PDZRN4: variants seen among roughly 807,000 people sequenced by gnomAD.
The protein encoded by PDZRN4 is PDZ domain-containing RING finger protein 4.
Under a neutral mutation model 99.0 loss-of-function variants are expected in PDZRN4, and 70 were observed. The ratio of observed to expected loss-of-function variants is 0.71; its 90% confidence interval spans 0.58 to 0.86. The LOEUF is 0.86. Ranked by LOEUF, PDZRN4 falls within the 40% of genes least tolerant of loss-of-function variation. The probability of loss-of-function intolerance (pLI) is 0.00; values close to 1 mark genes in which losing one functional copy is unlikely to be tolerated. For synonymous variants in PDZRN4, 551 were observed against 501.6 expected, an observed-to-expected ratio of 1.10 and a Z score of -1.32; for missense variants, 1,474 against 1,331.2, an observed-to-expected ratio of 1.11 and a Z score of -1.67.
At chr12:41,239,392 T>A (rs1951089103) in intron 3 of PDZRN4, among the ~76,000 whole-genome samples, 1 of 152,056 alleles carries the variant, frequency 6.6e-6, no homozygotes, top group Admixed American at 6.6e-5. Flanking sequence ...AGGTGATGGG[T>A]TGAACTGTGC....
intron 3 of PDZRN4, among the ~76,000 whole-genome samples, chr12:41,207,640 G>A (rs145454489): frequency 6.6e-6 from 1 of 151,736 alleles, no homozygotes; most frequent in African/African-American, 2.4e-5. Flanking sequence ...TAAGGATGAT[G>A]ATGGCTATAA....
chr12:41,421,450 C>T (rs997161416), intron 3 of PDZRN4, among the ~76,000 whole-genome samples: 1 of 152,182 alleles, frequency 6.6e-6, no homozygotes, highest in South Asian at 2.1e-4. Context: ...ACCTTGGCCT[C>T]CCAAAATGCT....
intron 3 of PDZRN4, among the ~76,000 whole-genome samples, chr12:41,348,749 A>C (rs964022591): frequency 1.3e-5 from 2 of 152,006 alleles, no homozygotes; most frequent in African/African-American, 4.8e-5. Flanking sequence ...TTTTAAATGA[A>C]ACACCATTTT....
intron 5 of PDZRN4, among the ~76,000 whole-genome samples, chr12:41,513,154 C>T (rs547246561): frequency 2.0e-5 from 3 of 152,006 alleles, no homozygotes; most frequent in Non-Finnish European, 4.4e-5. Context: ...CTTGTAAATA[C>T]ATATTTAGGG....
At chr12:41,542,909 CT>C (rs563238958) in intron 5 of PDZRN4, among the ~76,000 whole-genome samples, 8 of 151,998 alleles carry the variant, frequency 5.3e-5, no homozygotes, top group African/African-American at 1.9e-4. Context: ...CAAGTTCTTG[CT>C]TTCTCTCAAT....
chr12:41,326,416 AC>A (rs1951709882), intron 3 of PDZRN4, among the ~76,000 whole-genome samples: 1 of 152,200 alleles, frequency 6.6e-6, no homozygotes, highest in Non-Finnish European at 1.5e-5. Flanking sequence ...GTTATGATCC[AC>A]TAAATAAACT....
At position 41,295,545 on chromosome 12, in the gene PDZRN4, G is replaced by T. The variant is rs547483391; in HGVS notation, c.843+101357G>T. Among the ~76,000 whole-genome samples, 3 of 152,068 alleles carry T rather than the reference G, an allele frequency of 2.0e-5. No individual in the cohort carries two copies. The East Asian group carries it at 5.8e-4, about 29-fold the overall frequency. ...ATCACCCCCTCACCAAAATTAAACA[G>T]TCAAAAACTCCATAAGAAAATAATG... is the stretch of plus-strand genomic sequence containing the variant. On this transcript the variant is annotated intron_variant, in intron 3 of 9. Coordinates refer to ENST00000402685, the MANE Select transcript of PDZRN4 (RefSeq NM_001164595.2).
At chr12:41,296,839 G>A (rs1414612918) in intron 3 of PDZRN4, among the ~76,000 whole-genome samples, 2 of 152,012 alleles carry the variant, frequency 1.3e-5, no homozygotes, top group African/African-American at 2.4e-5. Context: ...TGTGCCTGTA[G>A]TCCTAGCTAC....
chr12:41,308,921 G>A (rs1006048459), intron 3 of PDZRN4, among the ~76,000 whole-genome samples: 12 of 151,890 alleles, frequency 7.9e-5, no homozygotes, highest in African/African-American at 1.5e-4. Context: ...TCATAAATAC[G>A]CTTATAATAA....
At chr12:41,508,702 A>G (rs550902864) in intron 4 of PDZRN4, among the ~76,000 whole-genome samples, 2 of 152,206 alleles carry the variant, frequency 1.3e-5, no homozygotes, top group South Asian at 4.1e-4. Context: ...TATTACTTTT[A>G]CCATTTTGGC....
At chr12:41,495,955 T>C (rs1937992630) in intron 3 of PDZRN4, among the ~76,000 whole-genome samples, 1 of 152,144 alleles carries the variant, frequency 6.6e-6, no homozygotes, top group South Asian at 2.1e-4. Context: ...CCCTTTGTGC[T>C]CTTGCAGAGC....
At chr12:41,195,933 A>G (rs1950768693) in intron 3 of PDZRN4, among the ~76,000 whole-genome samples, 1 of 152,168 alleles carries the variant, frequency 6.6e-6, no homozygotes, top group South Asian at 2.1e-4. Flanking sequence ...GAATACATAT[A>G]TTGTTACACC....
At chr12:41,223,636 G>C (rs970399210) in intron 3 of PDZRN4, among the ~76,000 whole-genome samples, 2 of 152,088 alleles carry the variant, frequency 1.3e-5, no homozygotes, top group African/African-American at 2.4e-5. Flanking sequence ...GAGTTGTTAG[G>C]CCATTAAGTC....
At position 41,378,267 on chromosome 12, in the gene PDZRN4, C is replaced by G. The variant is rs79752768; in HGVS notation, c.844-128189C>G. ...ATTTTCATTCTTCTTCCTGTTAATACGATGGGTTGTATTTATTGACTTGTT... is the reference window on the plus strand; with the variant it reads ...ATTTTCATTCTTCTTCCTGTTAATAGGATGGGTTGTATTTATTGACTTGTT... On this transcript the variant is annotated intron_variant, in intron 3 of 9. Coordinates refer to ENST00000402685, the MANE Select transcript of PDZRN4 (RefSeq NM_001164595.2). Among the ~76,000 whole-genome samples, 14 of 152,160 alleles carry G rather than the reference C, an allele frequency of 9.2e-5. No individual in the cohort carries two copies. The East Asian group carries it at 2.7e-3, about 29-fold the overall frequency.
At chr12:41,192,321 G>A (rs974907435) in intron 2 of PDZRN4, among the ~76,000 whole-genome samples, 1 of 151,896 alleles carries the variant, frequency 6.6e-6, no homozygotes, top group Non-Finnish European at 1.5e-5. Flanking sequence ...AGCTGGTCTC[G>A]AACTCCTAAT....
At chr12:41,377,757 G>A (rs1029444848) in intron 3 of PDZRN4, among the ~76,000 whole-genome samples, 16 of 151,936 alleles carry the variant, frequency 1.1e-4, no homozygotes, top group Non-Finnish European at 1.5e-4. Flanking sequence ...TATTGTAAAT[G>A]GTATTTTCTT....
intron 5 of PDZRN4, among the ~76,000 whole-genome samples, chr12:41,513,743 GT>G (rs1029652641): frequency 2.0e-5 from 3 of 151,986 alleles, no homozygotes; most frequent in African/African-American, 7.2e-5. Context: ...AAAGGGAAAG[GT>G]TTTAAGAAAC....
intron 3 of PDZRN4, among the ~76,000 whole-genome samples, chr12:41,339,623 A>G (rs1951801452): frequency 8.6e-6 from 1 of 116,886 alleles, no homozygotes; most frequent in Admixed American, 9.3e-5. Flanking sequence ...AAAAGAAACA[A>G]TCAACAAAGT....
At chr12:41,509,788 T>A (rs1938275114) in intron 4 of PDZRN4, 23 bp from the exon 5 acceptor site, 1 of 1,097,466 alleles carries the variant, frequency 9.1e-7, no homozygotes, top group Non-Finnish European at 1.4e-6. Flanking sequence ...TCTATTCCTA[T>A]CATATTGCTA....
Sources: gnomAD v4.1 joint callset for allele counts (sites outside exome capture counted in the v4.1 genomes callset) on GRCh38, gnomAD v4.1.1 for gene constraint, MANE v1.5 for transcripts, NCBI Gene and HGNC (gene_info 2026-07-23, HGNC 2026-07-21) for gene names.